The following MYT1L variants were observed in gnomAD, a reference collection of about 807,000 sequenced individuals.
The protein encoded by MYT1L is myelin transcription factor 1-like protein.
A neutral mutation model predicts 126.7 loss-of-function variants in MYT1L; 12 were observed. The observed-to-expected ratio is 0.09, with a 90% CI of 0.06 to 0.15. The LOEUF is 0.15. Among genes scored for constraint, MYT1L ranks in the 10% least tolerant of loss-of-function variants. The pLI is 1.00. For missense variants in MYT1L, 979 were observed against 1,585.2 expected, an observed-to-expected ratio of 0.62 and a Z score of 6.49; for synonymous variants, 541 against 604.2, an observed-to-expected ratio of 0.90 and a Z score of 1.53.
intron 3 of MYT1L, among the ~76,000 whole-genome samples, chr2:2,061,188 A>C (rs1324127020): frequency 6.6e-6 from 1 of 152,032 alleles, no homozygotes. Context: ...TCTTGTTTTC[A>C]CTAGTGGCTC....
At chr2:2,260,824 G>C (rs1253502124) in intron 2 of MYT1L, among the ~76,000 whole-genome samples, 1 of 152,164 alleles carries the variant, frequency 6.6e-6, no homozygotes, top group African/African-American at 2.4e-5. Flanking sequence ...CGGACACTCA[G>C]CTGGCTGCTC....
At chr2:2,266,748 C>G (rs1301288661) in intron 2 of MYT1L, among the ~76,000 whole-genome samples, 1 of 152,032 alleles carries the variant, frequency 6.6e-6, no homozygotes, top group Admixed American at 6.5e-5. Flanking sequence ...GCAGTTTCCC[C>G]CATACTGTTC....
At chr2:2,080,203 A>G (rs2075669208) in intron 3 of MYT1L, among the ~76,000 whole-genome samples, 1 of 152,194 alleles carries the variant, frequency 6.6e-6, no homozygotes, top group Non-Finnish European at 1.5e-5. Flanking sequence ...GTAGAAGTTA[A>G]AACTATATAA....
At chr2:1,926,960 A>G (rs35375781) in intron 9 of MYT1L, among the ~76,000 whole-genome samples, 4,560 of 152,354 alleles carry the variant, frequency 0.03, 94 homozygotes, top group Non-Finnish European at 0.046. Flanking sequence ...CTAAGTAAAA[A>G]CACATATTTA....
intron 8 of MYT1L, among the ~76,000 whole-genome samples, chr2:1,958,864 G>A (rs1415505138): frequency 6.6e-6 from 1 of 152,198 alleles, no homozygotes; most frequent in Admixed American, 6.5e-5. Flanking sequence ...AGAGGTGGGG[G>A]CTCAGCCGGC....
intron 21 of MYT1L, among the ~76,000 whole-genome samples, chr2:1,834,717 A>G (rs1253350680): frequency 6.6e-6 from 1 of 152,226 alleles, no homozygotes; most frequent in East Asian, 1.9e-4. Flanking sequence ...ACAGTGTTTC[A>G]ATGGAGACGG....
chr2:2,220,459 C>A (rs2093825833), intron 2 of MYT1L, among the ~76,000 whole-genome samples: 1 of 152,220 alleles, frequency 6.6e-6, no homozygotes, highest in South Asian at 2.1e-4. Context: ...GGCTAAGGTT[C>A]TTTTGAAGTC....
chr2:2,265,135 C>T (rs759019525), intron 2 of MYT1L, among the ~76,000 whole-genome samples: 16 of 150,482 alleles, frequency 1.1e-4, no homozygotes, highest in Admixed American at 5.3e-4. Context: ...TCAAGAAATT[C>T]TCCTGCCTCA....
At chr2:2,204,477 A>T (rs1171829465) in intron 2 of MYT1L, among the ~76,000 whole-genome samples, 1 of 149,686 alleles carries the variant, frequency 6.7e-6, no homozygotes, top group Non-Finnish European at 1.5e-5. Context: ...TTCTCAAAAG[A>T]AGACATTTAT....
chr2:1,977,565 C>T (rs182053028), intron 8 of MYT1L, among the ~76,000 whole-genome samples: 17 of 152,174 alleles, frequency 1.1e-4, no homozygotes, highest in South Asian at 4.2e-4. Context: ...AGGATAAATG[C>T]TTGAGGGGAT....
At position 2,185,497 on chromosome 2, in the gene MYT1L, TTCCGGG is replaced by T. The variant is rs765757051; in HGVS notation, c.-420-12515_-420-12510del. Among the ~76,000 whole-genome samples, 897 of 112,996 alleles carry T rather than the reference TTCCGGG, an allele frequency of 7.9e-3. 7 individuals are homozygous for T. The highest frequency in any genetic ancestry group is 0.017 in the African/African-American group (383 of 23,070). 74.1% of individuals were successfully genotyped at this position (112,996 alleles called of 152,430 possible). On this transcript the variant is annotated intron_variant, in intron 2 of 24. Coordinates refer to ENST00000647738, the MANE Select transcript of MYT1L (RefSeq NM_001303052.2). ...TCTGTGAGGGGGACGCAGCCAGGCC[TTCCGGG>T]CCTTCCCGAGTCCCGCGTTCCTTCT...
chr2:1,874,103 C>G (rs967625417), intron 18 of MYT1L, among the ~76,000 whole-genome samples: 1 of 152,022 alleles, frequency 6.6e-6, no homozygotes, highest in African/African-American at 2.4e-5. Context: ...GCGTGCCGGC[C>G]TGAGATGAAT....
intron 13 of MYT1L, among the ~76,000 whole-genome samples, chr2:1,904,355 C>T (rs2050753227): frequency 6.6e-6 from 1 of 152,052 alleles, no homozygotes; most frequent in Admixed American, 6.6e-5. Context: ...GAATCAGATA[C>T]AGACACATTC....
intron 14 of MYT1L, among the ~76,000 whole-genome samples, chr2:1,894,904 C>T (rs558062662): frequency 6.6e-6 from 1 of 152,314 alleles, no homozygotes; most frequent in East Asian, 1.9e-4. Flanking sequence ...CTTCCACCAC[C>T]CTGTAAGATG....
At chr2:2,276,467 A>C (rs1439561076) in intron 2 of MYT1L, among the ~76,000 whole-genome samples, 1 of 152,222 alleles carries the variant, frequency 6.6e-6, no homozygotes, top group Admixed American at 6.5e-5. Flanking sequence ...ACAACCACAC[A>C]AAGAAATGGT....
At chr2:2,087,970 ACT>A (rs1223023861) in intron 3 of MYT1L, among the ~76,000 whole-genome samples, 1 of 152,166 alleles carries the variant, frequency 6.6e-6, no homozygotes, top group East Asian at 1.9e-4. Flanking sequence ...AGTTGGTCAG[ACT>A]CTCTGAGCAT....
At chr2:2,195,372 C>G (rs924521519) in intron 2 of MYT1L, among the ~76,000 whole-genome samples, 1 of 152,210 alleles carries the variant, frequency 6.6e-6, no homozygotes, top group Non-Finnish European at 1.5e-5. Context: ...TAGCTCAGCT[C>G]TCACAGGTAA....
intron 8 of MYT1L, among the ~76,000 whole-genome samples, chr2:1,946,078 G>C (rs534968557): frequency 6.6e-6 from 1 of 152,196 alleles, no homozygotes; most frequent in South Asian, 2.1e-4. Context: ...CCTGAGCTCT[G>C]CCTCCTGTCA....
intron 3 of MYT1L, among the ~76,000 whole-genome samples, chr2:2,117,499 C>T (rs2080372202): frequency 6.6e-6 from 1 of 152,026 alleles, no homozygotes; most frequent in South Asian, 2.1e-4. Context: ...ACGTGTGTCA[C>T]TCCCAAGGAA....
Sources: gnomAD v4.1 joint callset for allele counts (sites outside exome capture counted in the v4.1 genomes callset) on GRCh38, gnomAD v4.1.1 for gene constraint, MANE v1.5 for transcripts, NCBI Gene and HGNC (gene_info 2026-07-23, HGNC 2026-07-21) for gene names.